ELP4: variants seen among roughly 807,000 people sequenced by gnomAD.
ELP4 encodes elongator complex protein 4.
In ELP4, 51 loss-of-function variants were observed where a neutral mutation model predicts 48.9. That is an observed-to-expected ratio of 1.04 (90% CI 0.83 to 1.32). ELP4 has a LOEUF of 1.32. Among genes scored for constraint, ELP4 ranks in the 40% most tolerant of loss-of-function variants. The probability of loss-of-function intolerance (pLI) is 0.00; values close to 1 mark genes in which losing one functional copy is unlikely to be tolerated. For missense variants in ELP4, 519 were observed against 514.6 expected (o/e 1.01, Z -0.08); for synonymous variants, 210 against 189.2 (o/e 1.11, Z -0.90).
chr11:31,661,057 A>G (rs570005072), intron 9 of ELP4, among the ~76,000 whole-genome samples: 1 of 152,088 alleles, frequency 6.6e-6, no homozygotes, highest in East Asian at 1.9e-4. Flanking sequence ...AAGAAATTTT[A>G]AAAATATAAT....
chr11:31,564,915 T>G (rs1316731382), intron 3 of ELP4, among the ~76,000 whole-genome samples: 1 of 152,210 alleles, frequency 6.6e-6, no homozygotes, highest in East Asian at 1.9e-4. Flanking sequence ...CTGGGTCAAA[T>G]GGTATTTCTA....
intron 7 of ELP4, among the ~76,000 whole-genome samples, chr11:31,634,924 T>G (rs942083504): frequency 5.3e-5 from 8 of 152,020 alleles, no homozygotes; most frequent in South Asian, 2.1e-4. Flanking sequence ...CTTCTAAAAT[T>G]TTTCCAATTT....
At chr11:31,570,571 G>A (rs1273652638) in intron 3 of ELP4, among the ~76,000 whole-genome samples, 1 of 150,140 alleles carries the variant, frequency 6.7e-6, no homozygotes, top group Non-Finnish European at 1.5e-5. Flanking sequence ...GGGTTCAAGC[G>A]ATTCTCCTCC....
chr11:31,524,280 G>A (rs1232227692), intron 2 of ELP4, among the ~76,000 whole-genome samples: 1 of 152,188 alleles, frequency 6.6e-6, no homozygotes. Flanking sequence ...GTGTCAGCCA[G>A]GGCTGAGTTC....
In ELP4 at chr11:31,766,592, T is replaced by G. The variant is rs568513641; in HGVS notation, c.1144-16801T>G. Among the ~76,000 whole-genome samples, 8 of 152,190 alleles carry G rather than the reference T, an allele frequency of 5.3e-5. No homozygotes were observed. In the East Asian group the frequency reaches 1.3e-3, roughly 26 times the overall value. On this transcript the variant is annotated intron_variant, in intron 9 of 9. Transcript: ENST00000640961. ...TTTGTGTGAAATATTAATATTTAGT[T>G]ACAGAGAAATAAATTGTAAGATATT...
chr11:31,771,172 A>G (rs1161948220), intron 9 of ELP4, among the ~76,000 whole-genome samples: 2 of 152,172 alleles, frequency 1.3e-5, no homozygotes, highest in Non-Finnish European at 2.9e-5. Context: ...TTGGGCAGGC[A>G]CGAGATTAAG....
At chr11:31,630,817 T>C (rs1944845998) in intron 6 of ELP4, among the ~76,000 whole-genome samples, 1 of 152,012 alleles carries the variant, frequency 6.6e-6, no homozygotes, top group Admixed American at 6.6e-5. Flanking sequence ...TGGTGGCACA[T>C]GCACGTAGTC....
chr11:31,790,151 A>G lies in ELP4; in HGVS notation c.*6627A>G. On this transcript the variant is annotated 3_prime_UTR_variant, in exon 10 of 10. Coordinates refer to ENST00000640961, the MANE Select transcript of ELP4 (RefSeq NM_019040.5). The stretch of plus-strand genomic sequence containing the variant: ...ACTTTCTAACATTTTTTACTGTATT[A>G]AAATCACTTCAATTGTTACAAATAA... 1.4e-6 allele frequency: 1 copy of G among 692,150 alleles called. No individual in the cohort carries two copies. Among genetic ancestry groups the G allele is most frequent in the Non-Finnish European group, 2.5e-6 (1 of 406,480 alleles). The allele number at this position is 692,150 out of a possible 1,614,324, so 42.9% of individuals were successfully genotyped here.
chr11:31,627,147 A>C lies in ELP4; in HGVS notation c.691A>C (p.Ile231Leu), dbSNP rs987956231. 6.2e-7 allele frequency: 1 copy of C among 1,606,922 alleles called. No homozygotes were observed. The highest frequency in any genetic ancestry group is 1.7e-5 in the Admixed American group (1 of 59,576). ...TGGCTACACAAAGCTGCTTCAGTTTATCCAGAACATCATTTATGAGGAAGG... is the reference window on the plus strand; with the variant it reads ...TGGCTACACAAAGCTGCTTCAGTTTCTCCAGAACATCATTTATGAGGAAGG... ...TPGYTKLLQF[I>L]QNIIYEEGFD... The change falls in exon 6 of 10, where the codon ATC (isoleucine) becomes CTC (leucine). Residue 231 changes from isoleucine to leucine, a missense_variant. Physicochemically the swap from Ile to Leu is conservative, Grantham distance 5. Transcript: ENST00000640961.
chr11:31,655,540 A>G (rs927550963), intron 9 of ELP4, among the ~76,000 whole-genome samples: 1 of 152,006 alleles, frequency 6.6e-6, no homozygotes, highest in African/African-American at 2.4e-5. Flanking sequence ...TTTGCCAGGT[A>G]TGATGGTCAG....
At position 31,669,277 on chromosome 11, in the gene ELP4, G is replaced by T. The variant is rs553180062; in HGVS notation, c.1143+19056G>T. On this transcript the variant is annotated intron_variant, in intron 9 of 9. Coordinates refer to ENST00000640961, the MANE Select transcript of ELP4 (RefSeq NM_019040.5). ...ATTTTTTGTATTTTTAGTAGAGACA[G>T]GTTTCACCATGTTGGCCAGAATGGT... is the stretch of plus-strand genomic sequence containing the variant. 2.0e-4 allele frequency among the ~76,000 whole-genome samples: 31 copies of T among 151,960 alleles called. 2 individuals carry two copies. The South Asian group carries it at 5.8e-3, about 29-fold the overall frequency.
In ELP4 at chr11:31,789,590, A is replaced by T; in HGVS notation, c.*6066A>T. 1 of 607,020 alleles carries T rather than the reference A, an allele frequency of 1.6e-6. No individual in the cohort carries two copies. Among genetic ancestry groups the T allele is most frequent in the South Asian group, 2.0e-5 (1 of 49,112 alleles). 37.6% of individuals were successfully genotyped at this position (607,020 alleles called of 1,614,324 possible). A position where few individuals can be genotyped will look rare whatever the true frequency, so the allele number is the denominator to read the frequency against. On this transcript the variant is annotated 3_prime_UTR_variant, in exon 10 of 10. Coordinates refer to ENST00000640961, the MANE Select transcript of ELP4 (RefSeq NM_019040.5). Reference sequence around the variant, plus strand: ...TGGTTTTCTTTTTAAAAAAAAAAAAAACAACTTCATGACCAACACAGATCA... The same window carrying T: ...TGGTTTTCTTTTTAAAAAAAAAAAATACAACTTCATGACCAACACAGATCA...
In ELP4 at chr11:31,599,522, C is replaced by CACACACAA. The variant is rs1350916176; in HGVS notation, c.514-4245_514-4244insCACACAAA. 1.6e-3 allele frequency: 208 copies of CACACACAA among 126,568 alleles called. 3 individuals are homozygous for CACACACAA. Among genetic ancestry groups the CACACACAA allele is most frequent in the African/African-American group, 7.3e-3 (202 of 27,700 alleles). The allele number at this position is 126,568 out of a possible 1,614,324, so 7.8% of individuals were successfully genotyped here. On this transcript the variant is annotated intron_variant, in intron 4 of 9. Transcript: ENST00000640961. Reference sequence around the variant, plus strand: ...ACACACACACACACACACACACACACAAAAAAAAAAAACCTGGCTGTATTA... The same window carrying CACACACAA: ...ACACACACACACACACACACACACACACACACAAAAAAAAAAAAAACCTGGCTGTATTA...
chr11:31,752,718 C>A (rs1014032257), intron 9 of ELP4, among the ~76,000 whole-genome samples: 2 of 151,610 alleles, frequency 1.3e-5, no homozygotes, highest in African/African-American at 4.8e-5. Flanking sequence ...CCTGTAGTCC[C>A]AGCTACTCGG....
chr11:31,675,807 A>C (rs1423028867), intron 9 of ELP4, among the ~76,000 whole-genome samples: 3 of 152,192 alleles, frequency 2.0e-5, no homozygotes, highest in Admixed American at 6.5e-5. Context: ...CTATTTACCC[A>C]ACATTCAATC....
At chr11:31,648,115 A>C (rs1945243855) in intron 8 of ELP4, 1 of 267,116 alleles carries the variant, frequency 3.7e-6, no homozygotes, top group East Asian at 7.7e-5. Flanking sequence ...TAGTGGCTTA[A>C]GGTAGCCATG....
At chr11:31,637,483 A>G (rs947316064) in intron 7 of ELP4, 1 of 151,986 alleles carries the variant, frequency 6.6e-6, no homozygotes, top group African/African-American at 2.4e-5. Context: ...GCAACTTTTA[A>G]AAACTTTGGT....
chr11:31,651,529 A>C (rs1331316066), intron 9 of ELP4: 2 of 151,760 alleles, frequency 1.3e-5, no homozygotes, highest in African/African-American at 4.8e-5. Context: ...GAAACCATTG[A>C]AGTGGAACCC....
intron 6 of ELP4, among the ~76,000 whole-genome samples, chr11:31,627,632 T>C (rs1944774074): frequency 1.3e-5 from 2 of 152,196 alleles, no homozygotes; most frequent in South Asian, 2.1e-4. Flanking sequence ...GAATTAAAAA[T>C]ACATTTTTAT....
Sources: gnomAD v4.1 joint callset for allele counts (sites outside exome capture counted in the v4.1 genomes callset) on GRCh38, gnomAD v4.1.1 for gene constraint, MANE v1.5 for transcripts, NCBI Gene and HGNC (gene_info 2026-07-23, HGNC 2026-07-21) for gene names.